PACSIN1: variants seen among roughly 807,000 people sequenced by gnomAD.
PACSIN1 encodes the protein protein kinase C and casein kinase substrate in neurons 1, also known as protein kinase C and casein kinase substrate in neurons protein 1.
A neutral mutation model predicts 59.5 loss-of-function variants in PACSIN1; 15 were observed. The observed-to-expected ratio is 0.25, with a 90% CI of 0.17 to 0.39. PACSIN1 has a LOEUF of 0.39. Among genes scored for constraint, PACSIN1 ranks in the 10% least tolerant of loss-of-function variants. PACSIN1 has a pLI of 1.00. For missense variants in PACSIN1, 420 were observed against 580.2 expected, an observed-to-expected ratio of 0.72 and a Z score of 2.84; for synonymous variants, 210 against 220.6, an observed-to-expected ratio of 0.95 and a Z score of 0.42.
At chr6:34,492,563 G>A (rs1766893913) in intron 1 of PACSIN1, among the ~76,000 whole-genome samples, 1 of 151,982 alleles carries the variant, frequency 6.6e-6, no homozygotes, top group African/African-American at 2.4e-5. Context: ...TTGTATTTTT[G>A]TAGACATGGG....
rs187928254 is a variant in PACSIN1, at chr6:34,534,020, C to G, written c.*1490C>G. 6.6e-6 allele frequency: 1 copy of G among 152,524 alleles called. No individual in the cohort carries two copies. Among genetic ancestry groups the G allele is most frequent in the East Asian group, 1.9e-4 (1 of 5,182 alleles). 9.4% of individuals were successfully genotyped at this position (152,524 alleles called of 1,614,324 possible). On this transcript the variant is annotated 3_prime_UTR_variant, in exon 10 of 10. Transcript: ENST00000244458. Reference sequence around the variant, plus strand: ...AAGGAGCTGAGAAGTCCTGCAGCACCAGGTGAGACTTGCTTACAGTGGATG... The same window carrying G: ...AAGGAGCTGAGAAGTCCTGCAGCACGAGGTGAGACTTGCTTACAGTGGATG...
Position 34,526,338 on chromosome 6 carries a change from G to A in PACSIN1, c.33G>A (p.Ala11=), listed in dbSNP as rs777847875. 2.5e-6 allele frequency: 4 copies of A among 1,612,106 alleles called. No individual in the cohort carries two copies. The South Asian group carries it at 3.3e-5, about 13-fold the overall frequency. Residue 11 remains alanine (A), a synonymous_variant, in exon 2 of 10, where the codon GCG becomes GCA. Transcript: ENST00000244458. MSSSYDEASL[A]PEETTDSFWE... is the part of the protein sequence containing the mutation. ...GCTCCTACGATGAGGCCTCACTGGC[G>A]CCAGAGGAGACCACCGACAGCTTCT...
In PACSIN1 at chr6:34,532,814, T is replaced by C; in HGVS notation, c.*284T>C. 1 of 352,664 alleles carries C rather than the reference T, an allele frequency of 2.8e-6. No homozygotes were observed. Among genetic ancestry groups the C allele is most frequent in the Non-Finnish European group, 5.2e-6 (1 of 192,714 alleles). 21.8% of individuals were successfully genotyped at this position (352,664 alleles called of 1,614,324 possible). A position where few individuals can be genotyped will look rare whatever the true frequency, so the allele number is the denominator to read the frequency against. On this transcript the variant is annotated 3_prime_UTR_variant, in exon 10 of 10. Coordinates refer to ENST00000244458, the MANE Select transcript of PACSIN1 (RefSeq NM_020804.5). The surrounding 1 kb of genome is among the most constrained non-coding windows in gnomAD (Gnocchi z 5.2). ...GCTCTTCGGGTTCCACCAAAGAGTC[T>C]CCTGAGCCCTGAGGGATGGATGTCT...
At position 34,493,641 on chromosome 6, in the gene PACSIN1, G is replaced by T. The variant is rs1457205229; in HGVS notation, c.-64+27371G>T. On this transcript the variant is annotated intron_variant, in intron 1 of 9. Coordinates refer to ENST00000244458, the MANE Select transcript of PACSIN1 (RefSeq NM_020804.5). The stretch of plus-strand genomic sequence containing the variant: ...ATCACTGATTCTGTTGTGAACCCTG[G>T]TGGGGAACCAGTGCTCCCCAATGGG... 2.0e-5 allele frequency among the ~76,000 whole-genome samples: 3 copies of T among 152,344 alleles called. No homozygotes were observed. The East Asian group carries it at 5.8e-4, about 29-fold the overall frequency.
intron 1 of PACSIN1, among the ~76,000 whole-genome samples, chr6:34,481,542 C>T (rs535252399): frequency 1.8e-3 from 277 of 151,982 alleles, no homozygotes; most frequent in African/African-American, 6.1e-3. Flanking sequence ...TGGTGGCGAG[C>T]GCCTGTAGTC....
intron 1 of PACSIN1, among the ~76,000 whole-genome samples, chr6:34,509,739 T>C (rs1301938937): frequency 1.3e-5 from 2 of 152,208 alleles, no homozygotes; most frequent in African/African-American, 2.4e-5. Context: ...ATTTCTTTCA[T>C]CAATTTTTTA....
intron 1 of PACSIN1, among the ~76,000 whole-genome samples, chr6:34,486,321 T>G (rs2127249481): frequency 6.6e-6 from 1 of 152,126 alleles, no homozygotes; most frequent in East Asian, 1.9e-4. Context: ...AAAATATTTG[T>G]CTCCAATGTG....
rs553677278 is a variant in PACSIN1 at position 34,516,584 on chromosome 6, G to T, written c.-63-9659G>T. Among the ~76,000 whole-genome samples, 2 of 152,326 alleles carry T rather than the reference G, an allele frequency of 1.3e-5. No individual in the cohort carries two copies. The highest frequency in any genetic ancestry group is 4.8e-5 in the African/African-American group (2 of 41,578). ...CCCACCTCCACTGGAGCAGGGGCTG[G>T]TGAGGCCTGGAGGGCAGGTTCTTTG... On this transcript the variant is annotated intron_variant, in intron 1 of 9. Coordinates refer to ENST00000244458, the MANE Select transcript of PACSIN1 (RefSeq NM_020804.5). This position sits in a 1 kb window ranked among gnomAD's most constrained non-coding sequence, Gnocchi z 5.4.
In PACSIN1 at chr6:34,483,162, G is replaced by A. The variant is rs188931574; in HGVS notation, c.-64+16892G>A. On this transcript the variant is annotated intron_variant, in intron 1 of 9. Transcript: ENST00000244458. The stretch of plus-strand genomic sequence containing the variant: ...TGGGACTACAGGCGTGAGCAACCAC[G>A]CCTGGCTAATGTTTTGTATTTTTAG... Among the ~76,000 whole-genome samples, 14 of 151,904 alleles carry A rather than the reference G, an allele frequency of 9.2e-5. 1 individual carries two copies. The highest frequency in any genetic ancestry group is 2.0e-4 in the Admixed American group (3 of 15,276).
At chr6:34,489,091 G>A (rs1363684151) in intron 1 of PACSIN1, among the ~76,000 whole-genome samples, 1 of 151,852 alleles carries the variant, frequency 6.6e-6, no homozygotes, top group Non-Finnish European at 1.5e-5. Context: ...TGAGGCAGGA[G>A]GATCGCTTGA....
At chr6:34,485,610 C>T (rs564810766) in intron 1 of PACSIN1, among the ~76,000 whole-genome samples, 2 of 152,214 alleles carry the variant, frequency 1.3e-5, no homozygotes, top group Admixed American at 6.5e-5. Context: ...CAGGTGGGGC[C>T]GTTGAGGAGG....
At chr6:34,511,396 G>T (rs1320444571) in intron 1 of PACSIN1, among the ~76,000 whole-genome samples, 1 of 152,196 alleles carries the variant, frequency 6.6e-6, no homozygotes, top group Non-Finnish European at 1.5e-5. Flanking sequence ...TGCCCAGGCT[G>T]CTGGGCCTTG....
At position 34,529,712 on chromosome 6, in the gene PACSIN1, C is replaced by A; in HGVS notation, c.659C>A (p.Thr220Lys). Residue 220 changes from threonine (T) to lysine (K), a missense_variant, in exon 6 of 10, where the codon ACA becomes AAA. Coordinates refer to ENST00000244458, the MANE Select transcript of PACSIN1 (RefSeq NM_020804.5). The surrounding 1 kb of genome is among the most constrained non-coding windows in gnomAD (Gnocchi z 6.3). ...GTGCTGGAAGATGTGGGCAAGACCA[C>A]ACCCCAGTACATGGAGAACATGGAG... is the stretch of plus-strand genomic sequence containing the variant. ...EKVLEDVGKT[T>K]PQYMENMEQV... The A allele has an allele frequency of 6.2e-7, 1 of 1,614,196 alleles. No homozygotes were observed. The highest frequency in any genetic ancestry group is 8.5e-7 in the Non-Finnish European group (1 of 1,180,044).
chr6:34,488,767 C>T lies in PACSIN1; in HGVS notation c.-64+22497C>T, dbSNP rs1259185030. ...TTTATTTGATTGATTGATTTGTTGC[C>T]CAGGCTGGTCTTGAGCTCCTGGGCT... On this transcript the variant is annotated intron_variant, in intron 1 of 9. Coordinates refer to ENST00000244458, the MANE Select transcript of PACSIN1 (RefSeq NM_020804.5). The surrounding 1 kb of genome is among the most constrained non-coding windows in gnomAD (Gnocchi z 4.7). Among the ~76,000 whole-genome samples the T allele has an allele frequency of 1.3e-5, 2 of 152,118 alleles. No homozygotes were observed. The highest frequency in any genetic ancestry group is 2.9e-5 in the Non-Finnish European group (2 of 68,026).
In PACSIN1 at chr6:34,532,730, C is replaced by G. The variant is rs959809164; in HGVS notation, c.*200C>G. The G allele has an allele frequency of 3.5e-5, 20 of 568,024 alleles. No individual in the cohort carries two copies. The East Asian group carries it at 6.1e-4, about 17-fold the overall frequency. 35.2% of individuals were successfully genotyped at this position (568,024 alleles called of 1,614,324 possible). ...CCACCTGGAGGCTGGGGTGCTGGGG[C>G]TTGGGGTGGCCCCAGGGTAGGTAAC... On this transcript the variant is annotated 3_prime_UTR_variant, in exon 10 of 10. Transcript: ENST00000244458. The surrounding 1 kb of genome is among the most constrained non-coding windows in gnomAD (Gnocchi z 5.2).
At chr6:34,480,227 CTTT>C (rs67633521) in intron 1 of PACSIN1, among the ~76,000 whole-genome samples, 5 of 133,604 alleles carry the variant, frequency 3.7e-5, no homozygotes, top group Admixed American at 7.7e-5. Context: ...TTCTTTCTTT[CTTT>C]TTTTTTTTTT....
chr6:34,466,973 C>A (rs753253681), intron 1 of PACSIN1, among the ~76,000 whole-genome samples: 1 of 152,152 alleles, frequency 6.6e-6, no homozygotes, highest in Admixed American at 6.5e-5. Flanking sequence ...TGGTGGCAAA[C>A]CCGGGAGCTT....
In PACSIN1 at chr6:34,529,048, A is replaced by C. The variant is rs1441745436; in HGVS notation, c.456+171A>C. Among the ~76,000 whole-genome samples, 1 of 152,106 alleles carries C rather than the reference A, an allele frequency of 6.6e-6. No individual in the cohort carries two copies. The highest frequency in any genetic ancestry group is 1.9e-4 in the East Asian group (1 of 5,168). Reference sequence around the variant, plus strand: ...AAAAAATATTCACAGATGGGTAGGCAGTGCCCATTGGGTAAGGAGACCCAT... The same window carrying C: ...AAAAAATATTCACAGATGGGTAGGCCGTGCCCATTGGGTAAGGAGACCCAT... On this transcript the variant is annotated intron_variant, in intron 4 of 9. Coordinates refer to ENST00000244458, the MANE Select transcript of PACSIN1 (RefSeq NM_020804.5). The surrounding 1 kb of genome is among the most constrained non-coding windows in gnomAD (Gnocchi z 6.3).
chr6:34,512,010 C>T (rs1382333263), intron 1 of PACSIN1, among the ~76,000 whole-genome samples: 2 of 152,024 alleles, frequency 1.3e-5, no homozygotes, highest in African/African-American at 2.4e-5. Flanking sequence ...GGTCCAGGAA[C>T]AGGAGCTGAG....
Sources: allele counts gnomAD v4.1 joint callset (sites outside exome capture counted in the v4.1 genomes callset), GRCh38; gene constraint gnomAD v4.1.1; non-coding constraint Gnocchi (gnomAD v3.1); transcripts MANE v1.5; gene names NCBI Gene and HGNC (gene_info 2026-07-23, HGNC 2026-07-21).